The following CACNA2D1 variants were observed in gnomAD, a reference collection of about 807,000 sequenced individuals.
CACNA2D1 encodes the protein calcium voltage-gated channel auxiliary subunit alpha2delta 1, also known as voltage-dependent calcium channel subunit alpha-2/delta-1.
CACNA2D1 carries 53 observed loss-of-function variants against 171.5 expected under a neutral mutation model. That is an observed-to-expected ratio of 0.31 (90% CI 0.25 to 0.39). The LOEUF (loss-of-function observed/expected upper bound fraction) is 0.39, where lower values mean the gene tolerates loss of function less well. Ranked by LOEUF, CACNA2D1 falls within the 10% of genes least tolerant of loss-of-function variation. The pLI, the probability that CACNA2D1 is intolerant of heterozygous loss-of-function variation, is 1.00. For missense variants in CACNA2D1, 903 were observed against 1,299.8 expected, an observed-to-expected ratio of 0.69 and a Z score of 4.69; for synonymous variants, 442 against 443.1, an observed-to-expected ratio of 1.00 and a Z score of 0.03.
At chr7:81,950,914 T>C (rs1221690976) in intron 38 of CACNA2D1, among the ~76,000 whole-genome samples, 2 of 152,094 alleles carry the variant, frequency 1.3e-5, no homozygotes, top group African/African-American at 4.8e-5. Flanking sequence ...CTCCATATGG[T>C]AAAGTTGGGG....
chr7:82,190,105 G>A (rs1278347781), intron 3 of CACNA2D1, among the ~76,000 whole-genome samples: 1 of 151,564 alleles, frequency 6.6e-6, no homozygotes, highest in Non-Finnish European at 1.5e-5. Flanking sequence ...TGTCATTTTG[G>A]GCCTCTTTAG....
At chr7:82,141,104 T>C (rs951125157) in intron 4 of CACNA2D1, among the ~76,000 whole-genome samples, 1 of 152,164 alleles carries the variant, frequency 6.6e-6, no homozygotes, top group Non-Finnish European at 1.5e-5. Flanking sequence ...TTCCTATCAA[T>C]TCATTTAAAG....
At chr7:82,370,009 T>G (rs1164668927) in intron 1 of CACNA2D1, among the ~76,000 whole-genome samples, 9 of 152,128 alleles carry the variant, frequency 5.9e-5, no homozygotes, top group Non-Finnish European at 1.3e-4. Flanking sequence ...TATTCCATTT[T>G]TATTCTTGCT....
intron 3 of CACNA2D1, 136 bp downstream of exon 3, chr7:82,334,999 A>AT: frequency 1.6e-6 from 1 of 640,514 alleles, no homozygotes; most frequent in Admixed American, 2.4e-5. Context: ...ATGATATCTC[A>AT]TTTTTTATGA....
intron 10 of CACNA2D1, among the ~76,000 whole-genome samples, chr7:82,054,990 C>A (rs1264168717): frequency 2.6e-5 from 4 of 152,144 alleles, no homozygotes; most frequent in Admixed American, 6.6e-5. Flanking sequence ...AGTAAGAAAG[C>A]CAGAAAACCT....
At chr7:82,001,968 T>C (rs1474165829) in intron 18 of CACNA2D1, among the ~76,000 whole-genome samples, 1 of 137,486 alleles carries the variant, frequency 7.3e-6, no homozygotes, top group African/African-American at 2.9e-5. Flanking sequence ...AGTACGTATT[T>C]GGGAAGTGGG....
chr7:82,211,980 A>C (rs1800608512), intron 3 of CACNA2D1, among the ~76,000 whole-genome samples: 1 of 152,178 alleles, frequency 6.6e-6, no homozygotes, highest in African/African-American at 2.4e-5. Flanking sequence ...TCTGATTATT[A>C]GTGATGTTGA....
chr7:82,085,118 G>C (rs1473733451), intron 6 of CACNA2D1, among the ~76,000 whole-genome samples: 1 of 152,160 alleles, frequency 6.6e-6, no homozygotes, highest in South Asian at 2.1e-4. Flanking sequence ...TGTTTTTCAA[G>C]AGGTTTATAC....
At chr7:82,039,548 C>A (rs73151509) in intron 10 of CACNA2D1, among the ~76,000 whole-genome samples, 1 of 151,900 alleles carries the variant, frequency 6.6e-6, no homozygotes, top group East Asian at 1.9e-4. Context: ...ATTTTATCTA[C>A]GAAAAAAACT....
chr7:82,152,604 TA>T (rs1793979343), intron 4 of CACNA2D1, among the ~76,000 whole-genome samples: 1 of 152,088 alleles, frequency 6.6e-6, no homozygotes, highest in Admixed American at 6.6e-5. Flanking sequence ...TTATTTCTGA[TA>T]AATTTTAAAA....
intron 3 of CACNA2D1, among the ~76,000 whole-genome samples, chr7:82,251,144 C>T (rs1805581958): frequency 6.6e-6 from 1 of 152,066 alleles, no homozygotes; most frequent in Non-Finnish European, 1.5e-5. Flanking sequence ...TCTCTCAACG[C>T]CATGATGTAA....
intron 3 of CACNA2D1, among the ~76,000 whole-genome samples, chr7:82,230,266 A>G (rs751627326): frequency 6.6e-6 from 1 of 152,232 alleles, no homozygotes; most frequent in Non-Finnish European, 1.5e-5. Context: ...TTGAAATGGA[A>G]TCAGAGAATA....
chr7:82,048,004 A>T (rs1368165165), intron 10 of CACNA2D1, among the ~76,000 whole-genome samples: 4 of 152,130 alleles, frequency 2.6e-5, no homozygotes, highest in Non-Finnish European at 4.4e-5. Flanking sequence ...AGATTCATGT[A>T]ATGGTAAGCA....
At chr7:82,196,661 G>A (rs923710552) in intron 3 of CACNA2D1, among the ~76,000 whole-genome samples, 6 of 151,986 alleles carry the variant, frequency 3.9e-5, no homozygotes, top group African/African-American at 1.4e-4. Flanking sequence ...AGTCATTAGA[G>A]AGTAAGGAAA....
chr7:82,056,113 G>A (rs956121278), intron 10 of CACNA2D1, among the ~76,000 whole-genome samples: 1 of 150,618 alleles, frequency 6.6e-6, no homozygotes. Flanking sequence ...CAAAAGAGTT[G>A]CAGGATCTGC....
intron 3 of CACNA2D1, among the ~76,000 whole-genome samples, chr7:82,256,124 A>T (rs1050350776): frequency 6.6e-6 from 1 of 152,086 alleles, no homozygotes; most frequent in East Asian, 1.9e-4. Flanking sequence ...AAAAAGAAAA[A>T]CAAATAGCCA....
chr7:82,165,865 G>A (rs1385894041), intron 4 of CACNA2D1, among the ~76,000 whole-genome samples: 1 of 151,942 alleles, frequency 6.6e-6, no homozygotes, highest in Non-Finnish European at 1.5e-5. Context: ...AATAAAGCCA[G>A]AGCCTAAAAT....
At chr7:82,290,005 G>C (rs1811322532) in intron 3 of CACNA2D1, among the ~76,000 whole-genome samples, 1 of 152,184 alleles carries the variant, frequency 6.6e-6, no homozygotes. Flanking sequence ...TGAAGTTCAA[G>C]CTGAAGGCTC....
At chr7:82,286,488 C>G (rs147804990) in intron 3 of CACNA2D1, among the ~76,000 whole-genome samples, 3 of 152,136 alleles carry the variant, frequency 2.0e-5, no homozygotes, top group African/African-American at 7.2e-5. Context: ...CAGGCAAAAA[C>G]AGATATACAA....
Sources: gnomAD v4.1 joint callset for allele counts (sites outside exome capture counted in the v4.1 genomes callset) on GRCh38, gnomAD v4.1.1 for gene constraint, MANE v1.5 for transcripts, NCBI Gene and HGNC (gene_info 2026-07-23, HGNC 2026-07-21) for gene names.